WARS2: variants seen among roughly 807,000 people sequenced by gnomAD.
WARS2 encodes tryptophan--tRNA ligase, mitochondrial.
Under a neutral mutation model 36.5 loss-of-function variants are expected in WARS2, and 28 were observed. The ratio of observed to expected loss-of-function variants is 0.77; its 90% CI spans 0.57 to 1.05. The LOEUF is 1.05. Among genes scored for constraint, WARS2 ranks in the 50% least tolerant of loss-of-function variants. WARS2 has a pLI of 0.00. For missense variants in WARS2, 435 were observed against 456.8 expected (o/e 0.95, Z 0.44); for synonymous variants, 174 against 178.4 (o/e 0.98, Z 0.20).
chr1:119,123,774 G>C (rs943035803), intron 1 of WARS2, among the ~76,000 whole-genome samples: 2 of 151,860 alleles, frequency 1.3e-5, no homozygotes, highest in Admixed American at 6.6e-5. Flanking sequence ...CTTAGTACTT[G>C]AACCACCCCT....
At chr1:119,127,253 G>T (rs1571398786) in intron 1 of WARS2, 1 of 768,302 alleles carries the variant, frequency 1.3e-6, no homozygotes, top group Non-Finnish European at 2.3e-6. Context: ...CTCCCTTTTT[G>T]CCGCCTTTCA....
rs146903682 is a variant in WARS2, at chr1:119,036,165, C to T, written c.516-1952G>A. Among the ~76,000 whole-genome samples the T allele has an allele frequency of 3.5e-4, 54 of 152,114 alleles. 1 individual carries two copies. The East Asian group carries it at 8.9e-3, about 25-fold the overall frequency. ...TGGAGGCTGCGGTGAGCCAAGATTG[C>T]GCCATTGCACTCCAGCCTGGGAAAT... is the stretch of plus-strand genomic sequence containing the variant. On this transcript the variant is annotated intron_variant, in intron 4 of 5. Transcript: ENST00000235521.
chr1:119,061,606 A>G (rs1650386994), intron 2 of WARS2, among the ~76,000 whole-genome samples: 1 of 152,166 alleles, frequency 6.6e-6, no homozygotes, highest in Non-Finnish European at 1.5e-5. Flanking sequence ...CTTCTCCCTT[A>G]GGGAGAAACT....
In WARS2 at chr1:119,113,227, C is replaced by T. The variant is rs189404904; in HGVS notation, c.90+27328G>A. Among the ~76,000 whole-genome samples, 72 of 152,266 alleles carry T rather than the reference C, an allele frequency of 4.7e-4. 1 individual carries two copies. The Middle Eastern group carries it at 0.01, about 22-fold the overall frequency. Reference sequence around the variant, plus strand: ...AGAAAAGGCTGAGTAGCAGAAACAACGCAGTCAGGATGCTGACACTGCCAC... The same window carrying T: ...AGAAAAGGCTGAGTAGCAGAAACAATGCAGTCAGGATGCTGACACTGCCAC... On this transcript the variant is annotated intron_variant, in intron 1 of 5. Coordinates refer to ENST00000235521, the MANE Select transcript of WARS2 (RefSeq NM_015836.4).
At chr1:119,044,270 T>C (rs1453102456) in intron 3 of WARS2, among the ~76,000 whole-genome samples, 1 of 152,228 alleles carries the variant, frequency 6.6e-6, no homozygotes. Context: ...TTTTCCAGAA[T>C]ATCAGTACAT....
At position 119,042,318 on chromosome 1, in the gene WARS2, G is replaced by GTGCCA; in HGVS notation, c.456_460dup (p.Thr154MetfsTer37). ...TACTGGGTATGTGAGCAGGCCCACC[G>GTGCCA]TGCCATCGTGCTTCTGCTTGGTAGT... On this transcript the variant is annotated frameshift_variant, in exon 4 of 6. Transcript: ENST00000235521. LOFTEE classifies it high-confidence loss of function. The GTGCCA allele has an allele frequency of 6.2e-7, 1 of 1,613,796 alleles. No homozygotes were observed. The highest frequency in any genetic ancestry group is 8.5e-7 in the Non-Finnish European group (1 of 1,179,884).
chr1:119,092,068 A>G (rs1041893777), intron 1 of WARS2, among the ~76,000 whole-genome samples: 1 of 152,210 alleles, frequency 6.6e-6, no homozygotes, highest in African/African-American at 2.4e-5. Context: ...ACACAGGGGT[A>G]TATTTGGTGG....
chr1:119,039,270 C>G (rs1439822314), intron 4 of WARS2, among the ~76,000 whole-genome samples: 1 of 152,004 alleles, frequency 6.6e-6, no homozygotes, highest in Non-Finnish European at 1.5e-5. Flanking sequence ...GTATAGTGCC[C>G]TTTTTCCGGA....
intron 2 of WARS2, among the ~76,000 whole-genome samples, chr1:119,050,819 C>G: frequency 6.6e-6 from 1 of 152,028 alleles, no homozygotes; most frequent in East Asian, 1.9e-4. Context: ...GCTAGATTGA[C>G]ACCAAATCCA....
intron 1 of WARS2, 109 bp from the exon 2 acceptor site, chr1:119,076,716 C>CT: frequency 6.8e-7 from 1 of 1,461,510 alleles, no homozygotes; most frequent in Non-Finnish European, 9.3e-7. Flanking sequence ...AAACTACAAT[C>CT]TGACAGTCAT....
intron 1 of WARS2, among the ~76,000 whole-genome samples, chr1:119,120,313 T>C (rs779540051): frequency 1.3e-5 from 2 of 151,708 alleles, no homozygotes; most frequent in Admixed American, 6.6e-5. Context: ...AGGAGATGGA[T>C]AAATTCCTGG....
chr1:119,055,449 C>A (rs944142882), intron 2 of WARS2, among the ~76,000 whole-genome samples: 2 of 151,950 alleles, frequency 1.3e-5, no homozygotes, highest in Non-Finnish European at 2.9e-5. Flanking sequence ...CCCATCTCTA[C>A]TAAAAATACA....
chr1:119,036,802 A>G (rs1217701757), intron 4 of WARS2, among the ~76,000 whole-genome samples: 1 of 152,180 alleles, frequency 6.6e-6, no homozygotes, highest in East Asian at 1.9e-4. Flanking sequence ...TAAAAACAAA[A>G]AGGATTTAAA....
intron 4 of WARS2, among the ~76,000 whole-genome samples, chr1:119,035,473 A>C (rs1647800883): frequency 6.6e-6 from 1 of 152,208 alleles, no homozygotes; most frequent in African/African-American, 2.4e-5. Context: ...ATTGATAGTA[A>C]GAGCTCAATA....
intron 1 of WARS2, among the ~76,000 whole-genome samples, chr1:119,093,157 A>T (rs1406173637): frequency 1.3e-5 from 2 of 152,168 alleles, no homozygotes; most frequent in African/African-American, 4.8e-5. Context: ...ACATTAATTA[A>T]GCAAGTGAGA....
In WARS2 at chr1:119,077,326, C is replaced by T. The variant is rs187731993; in HGVS notation, c.91-719G>A. ...AAGATAACTGAGGTTTGGTGGTCAA[C>T]GAGGAAGCCTTCAGACATAGAATGA... is the stretch of plus-strand genomic sequence containing the variant. On this transcript the variant is annotated intron_variant, in intron 1 of 5. Transcript: ENST00000235521. Among the ~76,000 whole-genome samples the T allele has an allele frequency of 1.1e-3, 165 of 152,098 alleles. 1 individual carries two copies. The highest frequency in any genetic ancestry group is 3.7e-3 in the African/African-American group (155 of 41,494).
At chr1:119,059,939 G>T (rs1453474127) in intron 2 of WARS2, among the ~76,000 whole-genome samples, 1 of 152,178 alleles carries the variant, frequency 6.6e-6, no homozygotes, top group Non-Finnish European at 1.5e-5. Context: ...CTTTCAAAGG[G>T]TGGAGGGTAG....
chr1:119,033,388 C>T (rs767879137), intron 5 of WARS2, 29 bp from the exon 6 acceptor site: 40 of 1,611,264 alleles, frequency 2.5e-5, no homozygotes, highest in Non-Finnish European at 3.3e-5. Flanking sequence ...CACACACATA[C>T]CCAAAACAAA....
intron 2 of WARS2, among the ~76,000 whole-genome samples, chr1:119,061,182 T>C (rs1162079972): frequency 6.6e-5 from 10 of 152,084 alleles, no homozygotes; most frequent in African/African-American, 1.4e-4. Flanking sequence ...TATTAAAAAA[T>C]AGGTAAACAA....
Sources: gnomAD v4.1 joint callset for allele counts (sites outside exome capture counted in the v4.1 genomes callset) on GRCh38, gnomAD v4.1.1 for gene constraint, MANE v1.5 for transcripts, NCBI Gene and HGNC (gene_info 2026-07-23, HGNC 2026-07-21) for gene names.